The following PRKDC variants were observed in gnomAD, a reference collection of about 807,000 sequenced individuals.
The protein encoded by PRKDC is protein kinase, DNA-activated, catalytic subunit.
In PRKDC, 82 loss-of-function variants were observed where a neutral mutation model predicts 486.9. The observed-to-expected ratio is 0.17, with a 90% CI of 0.14 to 0.20. The LOEUF is 0.20. Among genes scored for constraint, PRKDC ranks in the 10% least tolerant of loss-of-function variants. PRKDC has a pLI of 1.00. For missense variants in PRKDC, 4,504 were observed against 5,038.2 expected, an observed-to-expected ratio of 0.89 and a Z score of 3.21; for synonymous variants, 1,895 against 1,837.0, an observed-to-expected ratio of 1.03 and a Z score of -0.81.
chr8:47,811,882 C>T (rs1402022926), intron 68 of PRKDC, among the ~76,000 whole-genome samples: 1 of 152,114 alleles, frequency 6.6e-6, no homozygotes, highest in Non-Finnish European at 1.5e-5. Flanking sequence ...GAGGCTGAGG[C>T]AGGAGAATGG....
At chr8:47,912,008 T>G (rs1589786813) in intron 25 of PRKDC, among the ~76,000 whole-genome samples, 2 of 152,066 alleles carry the variant, frequency 1.3e-5, no homozygotes, top group African/African-American at 4.8e-5. Context: ...TGACCTCAGG[T>G]GATCCGCCTA....
chr8:47,844,810 G>A (rs1340067886), intron 54 of PRKDC, among the ~76,000 whole-genome samples: 4 of 152,014 alleles, frequency 2.6e-5, no homozygotes, highest in African/African-American at 9.7e-5. Flanking sequence ...CAAAATTAAG[G>A]CAAGAATCAA....
intron 10 of PRKDC, chr8:47,939,902 C>A (rs2154503971): frequency 2.3e-4 from 42 of 181,266 alleles, no homozygotes; most frequent in Middle Eastern, 2.4e-3. Flanking sequence ...CTATGTGATA[C>A]ATTTTTCCTA....
intron 36 of PRKDC, among the ~76,000 whole-genome samples, chr8:47,882,916 C>A (rs1021477966): frequency 6.6e-6 from 1 of 152,254 alleles, no homozygotes; most frequent in African/African-American, 2.4e-5. Flanking sequence ...GAAATTGCTG[C>A]AAGCCCTCTA....
intron 10 of PRKDC, among the ~76,000 whole-genome samples, chr8:47,942,305 C>A (rs1474952887): frequency 6.6e-6 from 1 of 152,170 alleles, no homozygotes; most frequent in Non-Finnish European, 1.5e-5. Flanking sequence ...CCAAGAGTGA[C>A]TTCAGGGGGA....
intron 42 of PRKDC, 48 bp from the exon 43 acceptor site, chr8:47,862,589 A>G: frequency 6.6e-7 from 1 of 1,521,168 alleles, no homozygotes; most frequent in Non-Finnish European, 8.9e-7. Flanking sequence ...CATGGCAATC[A>G]CTGCTCAAGC....
At chr8:47,914,278 G>A (rs1041014025) in intron 23 of PRKDC, among the ~76,000 whole-genome samples, 1 of 151,826 alleles carries the variant, frequency 6.6e-6, no homozygotes, top group Non-Finnish European at 1.5e-5. Flanking sequence ...TTTTAAACAA[G>A]CCTAATAGTC....
intron 73 of PRKDC, among the ~76,000 whole-genome samples, chr8:47,796,609 G>GT (rs1177283373): frequency 2.7e-5 from 4 of 147,090 alleles, no homozygotes; most frequent in South Asian, 2.1e-4. Context: ...TGTTGTTGTT[G>GT]TTTTTTTTGA....
At position 47,909,851 on chromosome 8, in the gene PRKDC, T is replaced by G. The variant is rs117119964; in HGVS notation, c.2934+2559A>C. ...GAAATTCCAGCCTGGTAAATTCTAG[T>G]CAGATTGGTTGTCTGCCCTCGAACC... On this transcript the variant is annotated intron_variant, in intron 25 of 85. Coordinates refer to ENST00000314191, the MANE Select transcript of PRKDC (RefSeq NM_006904.7). 4.6e-4 allele frequency among the ~76,000 whole-genome samples: 70 copies of G among 152,268 alleles called. 1 individual carries two copies. In the East Asian group the frequency reaches 0.013, roughly 28 times the overall value.
At chr8:47,777,356 G>A (rs1171643285) in intron 84 of PRKDC, among the ~76,000 whole-genome samples, 1 of 152,040 alleles carries the variant, frequency 6.6e-6, no homozygotes, top group Non-Finnish European at 1.5e-5. Flanking sequence ...TTACAGGTGT[G>A]CGTTACCACG....
intron 7 of PRKDC, among the ~76,000 whole-genome samples, chr8:47,953,295 A>C (rs990748405): frequency 3.9e-5 from 6 of 152,216 alleles, no homozygotes; most frequent in Non-Finnish European, 1.5e-5. Context: ...CGACAGAGCA[A>C]GATTCTGTCT....
In PRKDC at chr8:47,821,702, G is replaced by A; in HGVS notation, c.9013C>T (p.Leu3005Phe). The change falls in exon 65 of 86, where the codon CTT becomes TTT. Residue 3005 changes from leucine (L) to phenylalanine (F), a missense_variant. Physicochemically the swap from Leu to Phe is conservative, Grantham distance 22 (BLOSUM62 0). This residue lies in a region of PRKDC where 1,592 missense variants were observed against 1,724.6 expected (regional missense o/e 0.92). Transcript: ENST00000314191. ...TATTCAAGTGATTTCCACTCAGCAA[G>A]GTGGTTGTAACAGTCAAGGGATGCA... is the stretch of plus-strand genomic sequence containing the variant. ...ELASLDCYNH[L>F]AEWKSLEYCS... 1.2e-6 allele frequency: 2 copies of A among 1,601,706 alleles called. No individual in the cohort carries two copies. The highest frequency in any genetic ancestry group is 1.7e-6 in the Non-Finnish European group (2 of 1,173,552).
In PRKDC at chr8:47,886,151, G is replaced by A; in HGVS notation, c.4573-4C>T. The A allele has an allele frequency of 1.3e-6, 2 of 1,580,758 alleles. No individual in the cohort carries two copies. The highest frequency in any genetic ancestry group is 2.7e-5 in the African/African-American group (2 of 73,414). On this transcript the variant is annotated splice_polypyrimidine_tract_variant and splice_region_variant and intron_variant, in intron 35 of 85. Coordinates refer to ENST00000314191, the MANE Select transcript of PRKDC (RefSeq NM_006904.7). ...GAAGACTCACAAGGCGCTCACACTG[G>A]GAAAAAGAAAGGAGAAGTACCATAA... is the stretch of plus-strand genomic sequence containing the variant.
At chr8:47,956,668 ACTCCAGC>A (rs1274826751) in intron 3 of PRKDC, among the ~76,000 whole-genome samples, 1 of 152,050 alleles carries the variant, frequency 6.6e-6, no homozygotes, top group Admixed American at 6.6e-5. Context: ...GCACCACTGC[ACTCCAGC>A]CTGGATGACA....
chr8:47,806,492 T>C (rs974740361), intron 69 of PRKDC, among the ~76,000 whole-genome samples: 22 of 152,308 alleles, frequency 1.4e-4, no homozygotes, highest in African/African-American at 4.3e-4. Flanking sequence ...CATTTAAAGC[T>C]ACAAAAAAGA....
intron 25 of PRKDC, among the ~76,000 whole-genome samples, chr8:47,907,437 C>CA (rs2089808852): frequency 6.7e-6 from 1 of 150,106 alleles, no homozygotes; most frequent in African/African-American, 2.5e-5. Context: ...CACACACACA[C>CA]AATACAGACA....
At position 47,939,547 on chromosome 8, in the gene PRKDC, A is replaced by G. The variant is rs777950190; in HGVS notation, c.1113+4T>C. 6.2e-7 allele frequency: 1 copy of G among 1,610,794 alleles called. No individual in the cohort carries two copies. The highest frequency in any genetic ancestry group is 1.7e-5 in the Admixed American group (1 of 59,414). On this transcript the variant is annotated splice_donor_region_variant and intron_variant, in intron 11 of 85. Transcript: ENST00000314191. ...ACAAAATAGAGTAAGTTAATGAGAC[A>G]TACTCCTGCAAAAAGTCCATATCCA... is the stretch of plus-strand genomic sequence containing the variant.
chr8:47,934,039 C>T lies in PRKDC; in HGVS notation c.1549G>A (p.Gly517Ser), dbSNP rs1369674337. The T allele has an allele frequency of 1.9e-5, 30 of 1,613,634 alleles. No individual in the cohort carries two copies. Among genetic ancestry groups the T allele is most frequent in the Non-Finnish European group, 2.5e-5 (29 of 1,179,800 alleles). ...DHRASGEVRT[G>S]KWKVPTYKDY... ...TTGTATGTGGGCACCTTCCATTTGC[C>T]AGTTCTGACTTCCCCTGAAGCACGG... The change falls in exon 15 of 86, where the codon GGC (glycine) becomes AGC (serine). Residue 517 changes from glycine (G) to serine (S), a missense_variant. By Grantham distance (56) the Gly-to-Ser change is moderately conservative (BLOSUM62 0). Around this residue, in one of 6 missense-constraint regions of PRKDC, gnomAD observed 1,969 missense variants for 2,068.9 expected, o/e 0.95. Coordinates refer to ENST00000314191, the MANE Select transcript of PRKDC (RefSeq NM_006904.7).
At chr8:47,924,199 C>G (rs749168134) in intron 21 of PRKDC, among the ~76,000 whole-genome samples, 1 of 152,080 alleles carries the variant, frequency 6.6e-6, no homozygotes, top group Non-Finnish European at 1.5e-5. Context: ...ATACAGTATT[C>G]TAAGTTCATA....
Sources: allele counts gnomAD v4.1 joint callset (sites outside exome capture counted in the v4.1 genomes callset), GRCh38; gene constraint gnomAD v4.1.1; regional missense constraint gnomAD v4.1.1; transcripts MANE v1.5; gene names NCBI Gene and HGNC (gene_info 2026-07-23, HGNC 2026-07-21).